DMD: variants seen among roughly 807,000 people sequenced by gnomAD.
The protein encoded by DMD is mutant dystrophin.
Under a neutral mutation model 330.1 loss-of-function variants are expected in DMD, and 63 were observed. That is an observed-to-expected ratio of 0.19 (90% confidence interval 0.16 to 0.24). DMD has a LOEUF of 0.24. Ranked by LOEUF, DMD falls within the 10% of genes least tolerant of loss-of-function variation. DMD has a pLI of 1.00. For missense variants in DMD, 3,344 were observed against 2,684.1 expected (o/e 1.25, Z -5.43); for synonymous variants, 1,223 against 959.8 (o/e 1.27, Z -5.07).
At chrX:31,690,639 A>G (rs749093901) in intron 52 of DMD, among the ~76,000 whole-genome samples, 1 of 112,214 alleles carries the variant, frequency 8.9e-6, no homozygotes, top group Admixed American at 9.4e-5. Context: ...AAGGATTATA[A>G]ATCCTGCTGC....
intron 45 of DMD, among the ~76,000 whole-genome samples, chrX:31,967,321 TG>T (rs2095360227): frequency 2.9e-5 from 3 of 103,238 alleles, no homozygotes; most frequent in African/African-American, 1.1e-4. Flanking sequence ...TGTGTGTGTG[TG>T]TGTGTGTGTG....
intron 9 of DMD, among the ~76,000 whole-genome samples, chrX:32,662,305 A>C (rs1602663953): frequency 9.0e-6 from 1 of 111,731 alleles, no homozygotes; most frequent in East Asian, 2.8e-4. Context: ...AAAAACCTTA[A>C]CATAAAGGTA....
At chrX:33,169,416 T>A (rs1015701612) in intron 1 of DMD, among the ~76,000 whole-genome samples, 20 of 111,549 alleles carry the variant, frequency 1.8e-4, no homozygotes, top group Non-Finnish European at 1.3e-4. Context: ...CTAAACTGAT[T>A]TCAAGTGTTT....
Position 32,472,313 on chromosome X carries a change from T to A in DMD, c.2804-4A>T, listed in dbSNP as rs1422991928. On this transcript the variant is annotated splice_polypyrimidine_tract_variant and splice_region_variant and intron_variant, in intron 21 of 78. Coordinates refer to ENST00000357033, the MANE Select transcript of DMD (RefSeq NM_004006.3). ...ATTGGTGGCAAAGTGTCAAAAACTT[T>A]ATCAAAAGGGAAAAAAGAATGAGAA... The A allele has an allele frequency of 8.3e-7, 1 of 1,209,833 alleles. No individual in the cohort carries two copies. Among genetic ancestry groups the A allele is most frequent in the Non-Finnish European group, 1.1e-6 (1 of 894,129 alleles).
chrX:32,860,224 G>A (rs926069865), intron 2 of DMD, among the ~76,000 whole-genome samples: 1 of 111,821 alleles, frequency 8.9e-6, no homozygotes. Flanking sequence ...ATTTGAGAAA[G>A]GAAATGCATT....
At chrX:31,366,470 C>CAAAAAAAAAAAAAAAAAAAAAAA (rs34216082) in intron 60 of DMD, among the ~76,000 whole-genome samples, 11 of 10,655 alleles carry the variant, frequency 1.0e-3, no homozygotes, top group Non-Finnish European at 1.4e-3. Flanking sequence ...CTCTCTCTCT[C>CAAAAAAAAAAAAAAAAAAAAAAA]AAAAAAAAAA....
At chrX:32,644,017 C>T in intron 11 of DMD, 115 bp downstream of exon 11, 1 of 640,162 alleles carries the variant, frequency 1.6e-6, no homozygotes, top group Non-Finnish European at 2.4e-6. Context: ...TGAAAGAAAG[C>T]TGTGTGCCTT....
At chrX:32,983,528 T>TACACACACACACACACACAC (rs561986393) in intron 2 of DMD, among the ~76,000 whole-genome samples, 2 of 73,578 alleles carry the variant, frequency 2.7e-5, no homozygotes, top group African/African-American at 1.1e-4. Flanking sequence ...CAGAACTAAA[T>TACACACACACACACACACAC]ACACACACAC....
chrX:33,227,787 A>G (rs1416929878), intron 1 of DMD, among the ~76,000 whole-genome samples: 1 of 111,040 alleles, frequency 9.0e-6, no homozygotes, highest in African/African-American at 3.3e-5. Flanking sequence ...TGCCTTAAAA[A>G]GAAATGGAAA....
At chrX:32,968,148 G>T (rs183587828) in intron 2 of DMD, among the ~76,000 whole-genome samples, 1 of 111,936 alleles carries the variant, frequency 8.9e-6, no homozygotes, top group East Asian at 2.8e-4. Flanking sequence ...AAATGACTGT[G>T]TGCATTGCTG....
chrX:31,164,010 G>T (rs144357807), intron 74 of DMD, among the ~76,000 whole-genome samples: 2,172 of 111,932 alleles, frequency 0.019, 48 homozygotes, highest in African/African-American at 0.066. Flanking sequence ...ACAGCCAGGG[G>T]AGAAGGTTGG....
chrX:32,904,912 G>A (rs2086606371), intron 2 of DMD, among the ~76,000 whole-genome samples: 1 of 111,644 alleles, frequency 9.0e-6, no homozygotes, highest in South Asian at 3.8e-4. Flanking sequence ...AAGTGACTAG[G>A]CATAATATGT....
At chrX:32,723,762 T>A (rs1434047800) in intron 7 of DMD, among the ~76,000 whole-genome samples, 5 of 110,827 alleles carry the variant, frequency 4.5e-5, no homozygotes, top group African/African-American at 1.6e-4. Context: ...CGTAACATCT[T>A]GTACCCCTTA....
At chrX:32,587,167 G>A (rs2054385692) in intron 13 of DMD, among the ~76,000 whole-genome samples, 1 of 111,827 alleles carries the variant, frequency 8.9e-6, no homozygotes, top group South Asian at 3.7e-4. Flanking sequence ...TTTAGGTGAT[G>A]AGAGAAAAAT....
intron 48 of DMD, among the ~76,000 whole-genome samples, chrX:31,852,800 A>G (rs1418287286): frequency 8.9e-6 from 1 of 112,533 alleles, no homozygotes; most frequent in Non-Finnish European, 1.9e-5. Flanking sequence ...TTTAATAATC[A>G]AACATTAGAA....
chrX:31,907,492 G>A (rs1303477759), intron 47 of DMD, among the ~76,000 whole-genome samples: 1 of 111,733 alleles, frequency 8.9e-6, no homozygotes, highest in Non-Finnish European at 1.9e-5. Context: ...AAATGGTGCT[G>A]GGAAAACTGG....
intron 49 of DMD, among the ~76,000 whole-genome samples, chrX:31,831,255 G>A (rs1286577306): frequency 8.9e-6 from 1 of 112,283 alleles, no homozygotes; most frequent in Non-Finnish European, 1.9e-5. Flanking sequence ...TTAGCAAGGT[G>A]ATGAGCTCTA....
intron 44 of DMD, among the ~76,000 whole-genome samples, chrX:32,205,582 T>C (rs1020558029): frequency 8.1e-5 from 9 of 111,607 alleles, no homozygotes; most frequent in East Asian, 2.8e-4. Context: ...TTCAATTGTT[T>C]AAATGTCCAT....
rs764932924 is a variant in DMD at position 32,176,213 on chromosome X, T to C, written c.6438+40703A>G. ...AGATTTTTCTCTTTTTTATTAATTC[T>C]GTGCATAATATTTCCCACTTTCTAA... On this transcript the variant is annotated intron_variant, in intron 44 of 78. Coordinates refer to ENST00000357033, the MANE Select transcript of DMD (RefSeq NM_004006.3). 1.7e-4 allele frequency among the ~76,000 whole-genome samples: 19 copies of C among 112,333 alleles called. No homozygotes were observed. The East Asian group carries it at 2.3e-3, about 13-fold the overall frequency.
Sources: allele counts gnomAD v4.1 joint callset (sites outside exome capture counted in the v4.1 genomes callset), GRCh38; gene constraint gnomAD v4.1.1; transcripts MANE v1.5; gene names NCBI Gene and HGNC (gene_info 2026-07-23, HGNC 2026-07-21).